Variants in TMEM260 observed in about 807,000 individuals in gnomAD.
The protein encoded by TMEM260 is protein O-mannosyl-transferase TMEM260.
TMEM260 carries 82 observed loss-of-function variants against 88.9 expected under a neutral mutation model. The observed-to-expected ratio is 0.92, with a 90% CI of 0.77 to 1.11. The LOEUF is 1.11. Among genes scored for constraint, TMEM260 ranks in the 50% least tolerant of loss-of-function variants. TMEM260 has a pLI of 0.00. For synonymous variants in TMEM260, 314 were observed against 309.3 expected (o/e 1.02, Z -0.16); for missense variants, 902 against 853.4 (o/e 1.06, Z -0.71).
At chr14:56,650,024 G>A (rs758724994), downstream of TMEM260, 5 of 444,038 alleles carry the variant, frequency 1.1e-5, no homozygotes, top group Non-Finnish European at 1.3e-5. Context: ...TATTAGGTGA[G>A]GTTAAACAAG....
intron 3 of TMEM260, among the ~76,000 whole-genome samples, chr14:56,589,008 A>G (rs555321284): frequency 4.6e-5 from 7 of 152,216 alleles, no homozygotes; most frequent in Non-Finnish European, 5.9e-5. Context: ...AATCATTAAC[A>G]TGAACACCAT....
chr14:56,644,387 AAAAC>A (rs1264706538), intron 15 of TMEM260, among the ~76,000 whole-genome samples: 1 of 152,228 alleles, frequency 6.6e-6, no homozygotes, highest in East Asian at 1.9e-4. Context: ...AAACCTGACA[AAAAC>A]AAGCAATGGG....
chr14:56,591,858 T>G (rs1008494030), intron 3 of TMEM260, among the ~76,000 whole-genome samples: 1 of 152,206 alleles, frequency 6.6e-6, no homozygotes, highest in Non-Finnish European at 1.5e-5. Context: ...TATAATAAAA[T>G]GAATTGTTTT....
rs1890083083 is a variant in TMEM260, at chr14:56,648,165, AATTTT to A, written c.*671_*675del. 2 of 152,092 alleles carry A rather than the reference AATTTT, an allele frequency of 1.3e-5. No individual in the cohort carries two copies. Among genetic ancestry groups the A allele is most frequent in the African/African-American group, 4.8e-5 (2 of 41,492 alleles). The allele number at this position is 152,092 out of a possible 1,614,324, so 9.4% of individuals were successfully genotyped here. On this transcript the variant is annotated 3_prime_UTR_variant, in exon 16 of 16. Coordinates refer to ENST00000261556, the MANE Select transcript of TMEM260 (RefSeq NM_017799.4). Reference sequence around the variant, plus strand: ...AAAAAGATTTTGCATTTACTTAATTAATTTTATATTTATGTTTTATTTCTATTTGG... The same window carrying A: ...AAAAAGATTTTGCATTTACTTAATTAATATTTATGTTTTATTTCTATTTGG...
the TMEM260 span, among the ~76,000 whole-genome samples, chr14:56,660,407 C>A: frequency 1.1e-4 from 16 of 152,156 alleles, no homozygotes; most frequent in Non-Finnish European, 2.1e-4. Context: ...GTGAATTATT[C>A]TATTATTTCT....
chr14:56,581,554 A>C (rs374964692), intron 1 of TMEM260, among the ~76,000 whole-genome samples: 32 of 152,342 alleles, frequency 2.1e-4, no homozygotes, highest in East Asian at 1.7e-3. Flanking sequence ...AAAGATTGAC[A>C]GCTACTTATG....
At chr14:56,583,208 C>A (rs538400176) in intron 1 of TMEM260, among the ~76,000 whole-genome samples, 1 of 152,250 alleles carries the variant, frequency 6.6e-6, no homozygotes, top group East Asian at 1.9e-4. Flanking sequence ...AAATCATATC[C>A]TTTACAGTAG....
At chr14:56,644,711 A>G (rs1226023258) in intron 15 of TMEM260, among the ~76,000 whole-genome samples, 1 of 152,236 alleles carries the variant, frequency 6.6e-6, no homozygotes, top group Non-Finnish European at 1.5e-5. Flanking sequence ...CAGAGTGAAC[A>G]GGCAACCTAC....
At chr14:56,620,129 G>A (rs929641488) in intron 10 of TMEM260, among the ~76,000 whole-genome samples, 1 of 152,108 alleles carries the variant, frequency 6.6e-6, no homozygotes, top group Non-Finnish European at 1.5e-5. Flanking sequence ...AGACACTGGG[G>A]CCTACTTGAG....
At chr14:56,609,713 C>CA (rs1387807444) in intron 6 of TMEM260, among the ~76,000 whole-genome samples, 1 of 152,056 alleles carries the variant, frequency 6.6e-6, no homozygotes, top group Non-Finnish European at 1.5e-5. Context: ...ATTTCATGAA[C>CA]AGTTTTTATG....
downstream of TMEM260, among the ~76,000 whole-genome samples, chr14:56,654,468 C>T (rs1458737984): frequency 6.6e-6 from 1 of 152,116 alleles, no homozygotes; most frequent in Non-Finnish European, 1.5e-5. Flanking sequence ...CAGAAACGGA[C>T]CCCACCTACC....
the TMEM260 span, among the ~76,000 whole-genome samples, chr14:56,661,577 A>AAGGG: frequency 6.8e-6 from 1 of 147,186 alleles, no homozygotes; most frequent in Non-Finnish European, 1.5e-5. Flanking sequence ...GGAAGGGAGG[A>AAGGG]AGGGAGGGAA....
At chr14:56,587,956 C>T (rs1025129269) in intron 3 of TMEM260, among the ~76,000 whole-genome samples, 1 of 152,018 alleles carries the variant, frequency 6.6e-6, no homozygotes, top group Admixed American at 6.6e-5. Context: ...TGAACTTAAC[C>T]TTTAAAACCT....
At chr14:56,635,868 T>C (rs1221959320) in intron 14 of TMEM260, among the ~76,000 whole-genome samples, 1 of 152,198 alleles carries the variant, frequency 6.6e-6, no homozygotes, top group Non-Finnish European at 1.5e-5. Flanking sequence ...TACTATAGTT[T>C]ATGCAATAGT....
At chr14:56,591,135 C>G (rs889714953) in intron 3 of TMEM260, among the ~76,000 whole-genome samples, 10 of 152,182 alleles carry the variant, frequency 6.6e-5, no homozygotes, top group African/African-American at 2.4e-4. Flanking sequence ...ATTTAAATTG[C>G]TAAATCTGTT....
At chr14:56,628,216 CA>C (rs766483055) in intron 12 of TMEM260, among the ~76,000 whole-genome samples, 6 of 152,150 alleles carry the variant, frequency 3.9e-5, no homozygotes, top group Non-Finnish European at 8.8e-5. Context: ...TATAAACATT[CA>C]TAAACAGGTT....
chr14:56,640,656 CGAGTT>C (rs1356788621), intron 15 of TMEM260, among the ~76,000 whole-genome samples: 2 of 152,124 alleles, frequency 1.3e-5, no homozygotes, highest in Non-Finnish European at 2.9e-5. Context: ...ATGACTTTGA[CGAGTT>C]GAGAGAAGAA....
At chr14:56,580,755 C>T (rs114718190) in intron 1 of TMEM260, among the ~76,000 whole-genome samples, 1,925 of 152,276 alleles carry the variant, frequency 0.013, 49 homozygotes, top group African/African-American at 0.044. Flanking sequence ...TTAAATCACA[C>T]TAATTGTTTT....
At chr14:56,633,399 G>C in intron 13 of TMEM260, 1 of 374,782 alleles carries the variant, frequency 2.7e-6, no homozygotes, top group Non-Finnish European at 4.8e-6. Flanking sequence ...TGGTTGTGTG[G>C]ATACCATGAT....
Sources: allele counts gnomAD v4.1 joint callset (sites outside exome capture counted in the v4.1 genomes callset), GRCh38; gene constraint gnomAD v4.1.1; transcripts MANE v1.5; gene names NCBI Gene and HGNC (gene_info 2026-07-23, HGNC 2026-07-21).